Variants in CARMIL3 observed in about 807,000 individuals in gnomAD.
The protein encoded by CARMIL3 is capping protein regulator and myosin 1 linker 3, also known as capping protein, Arp2/3 and myosin-I linker protein 3.
In CARMIL3, 88 loss-of-function variants were observed where a neutral mutation model predicts 180.8. The observed-to-expected ratio is 0.49, with a 90% CI of 0.41 to 0.58. The LOEUF (loss-of-function observed/expected upper bound fraction) is 0.58, where lower values mean the gene tolerates loss of function less well. Ranked by LOEUF, CARMIL3 falls within the 20% of genes least tolerant of loss-of-function variation. The pLI is 0.00. For missense variants in CARMIL3, 1,548 were observed against 1,787.0 expected (o/e 0.87, Z 2.41); for synonymous variants, 696 against 714.5 (o/e 0.97, Z 0.41).
chr14:24,059,958 T>C lies in CARMIL3; in HGVS notation c.1869-12T>C. ...ACCTGTTCCCACCCAGCTGTGCCCC[T>C]GTGTCCCACAGCAACCACACGCTGC... On this transcript the variant is annotated splice_polypyrimidine_tract_variant and intron_variant, in intron 22 of 39. Transcript: ENST00000342740. This position sits in a 1 kb window ranked among gnomAD's most constrained non-coding sequence, Gnocchi z 6.3. The C allele has an allele frequency of 6.2e-7, 1 of 1,613,526 alleles. No individual in the cohort carries two copies. Among genetic ancestry groups the C allele is most frequent in the East Asian group, 2.2e-5 (1 of 44,880 alleles).
intron 35 of CARMIL3, 30 bp from the exon 36 acceptor site, chr14:24,066,537 T>C: frequency 6.2e-7 from 1 of 1,612,850 alleles, no homozygotes; most frequent in Non-Finnish European, 8.5e-7. Context: ...CCCTTTCTCC[T>C]CTCTTTCTCA....
intron 32 of CARMIL3, 57 bp from the exon 33 acceptor site, chr14:24,064,901 A>C (rs1485927749): frequency 1.9e-6 from 3 of 1,562,694 alleles, no homozygotes; most frequent in Non-Finnish European, 2.6e-6. Flanking sequence ...GGTTTATCAG[A>C]CCCAGGATTG....
intron 34 of CARMIL3, 66 bp from the exon 35 acceptor site, chr14:24,066,332 C>A (rs1399197618): frequency 6.4e-7 from 1 of 1,553,388 alleles, no homozygotes; most frequent in East Asian, 2.3e-5. Flanking sequence ...AGAGCAGAAG[C>A]CCTTTGTCAG....
intron 36 of CARMIL3, among the ~76,000 whole-genome samples, chr14:24,068,194 C>G (rs1032729085): frequency 1.3e-5 from 2 of 152,128 alleles, no homozygotes; most frequent in Non-Finnish European, 2.9e-5. Context: ...GTCAAGAGAT[C>G]GAGACAATCC....
At chr14:24,063,729 C>G (rs2035756530) in intron 31 of CARMIL3, among the ~76,000 whole-genome samples, 196 bp downstream of exon 31, 1 of 152,200 alleles carries the variant, frequency 6.6e-6, no homozygotes, top group Admixed American at 6.5e-5. Flanking sequence ...AAAGCTCTGT[C>G]TGCCGGGCAG....
Position 24,056,532 on chromosome 14 carries a change from G to A in CARMIL3, c.866-90G>A, listed in dbSNP as rs539924183. ...CACCTCCATCCTTGACCCAAGGCCTGTACCCTACTCGAGCCCCCAACCTGA... is the reference window on the plus strand; with the variant it reads ...CACCTCCATCCTTGACCCAAGGCCTATACCCTACTCGAGCCCCCAACCTGA... On this transcript the variant is annotated intron_variant, in intron 11 of 39. Coordinates refer to ENST00000342740, the MANE Select transcript of CARMIL3 (RefSeq NM_138360.4). 1.3e-5 allele frequency: 20 copies of A among 1,487,570 alleles called. No individual in the cohort carries two copies. The African/African-American group carries it at 1.4e-4, about 10-fold the overall frequency. 92.1% of individuals were successfully genotyped at this position (1,487,570 alleles called of 1,614,324 possible). A position where few individuals can be genotyped will look rare whatever the true frequency, so the allele number is the denominator to read the frequency against.
In CARMIL3 at chr14:24,061,545, G is replaced by A. The variant is rs1435653998; in HGVS notation, c.2353G>A (p.Ala785Thr). The change falls in exon 27 of 40, where the codon GCC becomes ACC. Residue 785 changes from alanine to threonine, a missense_variant. Transcript: ENST00000342740. The surrounding 1 kb of genome is among the most constrained non-coding windows in gnomAD (Gnocchi z 4.1). ...CCTGACACAGGAGTTATGCCCTGTG[G>A]CCATGCGGGTGGCCGAGGGACACAA... ...VSLTQELCPVAMRVAEGHNKM... is the reference protein window; with the variant it reads ...VSLTQELCPVTMRVAEGHNKM... 6.2e-7 allele frequency: 1 copy of A among 1,614,104 alleles called. No homozygotes were observed. Among genetic ancestry groups the A allele is most frequent in the Non-Finnish European group, 8.5e-7 (1 of 1,179,996 alleles).
chr14:24,054,820 C>G lies in CARMIL3; in HGVS notation c.460+12C>G. On this transcript the variant is annotated intron_variant, in intron 6 of 39. Transcript: ENST00000342740. This position sits in a 1 kb window ranked among gnomAD's most constrained non-coding sequence, Gnocchi z 5.1. ...CCACAGTGTCTGCGGTGAGCAGGGGCAGATGTGAGGAAAGTAGGCGCTCCA... is the reference window on the plus strand; with the variant it reads ...CCACAGTGTCTGCGGTGAGCAGGGGGAGATGTGAGGAAAGTAGGCGCTCCA... 6.2e-7 allele frequency: 1 copy of G among 1,609,528 alleles called. No individual in the cohort carries two copies. The highest frequency in any genetic ancestry group is 1.3e-5 in the African/African-American group (1 of 74,938).
Position 24,054,410 on chromosome 14 carries a change from G to C in CARMIL3, c.261G>C (p.Thr87=). The C allele has an allele frequency of 6.2e-7, 1 of 1,614,156 alleles. No homozygotes were observed. The highest frequency in any genetic ancestry group is 8.5e-7 in the Non-Finnish European group (1 of 1,180,026). The part of the protein sequence containing the change: ...TLSQNQILVE[T]ERGMVSMRLP... ...GTCTCCCCCAGATCCTGGTGGAGACGGAGCGTGGCATGGTGAGCATGCGAC... is the reference window on the plus strand; with the variant it reads ...GTCTCCCCCAGATCCTGGTGGAGACCGAGCGTGGCATGGTGAGCATGCGAC... Residue 87 remains threonine, a synonymous_variant, in exon 5 of 40, where the codon ACG becomes ACC. Transcript: ENST00000342740. This position sits in a 1 kb window ranked among gnomAD's most constrained non-coding sequence, Gnocchi z 5.1.
Position 24,059,799 on chromosome 14 carries a change from C to A in CARMIL3, c.1868+67C>A. 1 of 1,569,126 alleles carries A rather than the reference C, an allele frequency of 6.4e-7. No individual in the cohort carries two copies. ...TCCCTGTGCCTGGATCAGGCCTGAA[C>A]TACTCTTGCCCCACCCTAGCCCCTT... On this transcript the variant is annotated intron_variant, in intron 22 of 39. Coordinates refer to ENST00000342740, the MANE Select transcript of CARMIL3 (RefSeq NM_138360.4). This position sits in a 1 kb window ranked among gnomAD's most constrained non-coding sequence, Gnocchi z 6.3.
At chr14:24,063,266 C>G in intron 30 of CARMIL3, 59 bp from the exon 31 acceptor site, 1 of 1,591,672 alleles carries the variant, frequency 6.3e-7, no homozygotes, top group South Asian at 1.1e-5. Context: ...TTCTCTGTCT[C>G]CCCATCCTGC....
chr14:24,052,650 G>C (rs552589320), intron 1 of CARMIL3, among the ~76,000 whole-genome samples: 1 of 152,234 alleles, frequency 6.6e-6, no homozygotes, highest in Admixed American at 6.5e-5. Flanking sequence ...TGGCCCTGAA[G>C]AGCCCCTTAG....
Position 24,059,804 on chromosome 14 carries a change from C to T in CARMIL3, c.1868+72C>T, listed in dbSNP as rs2035713684. ...GTGCCTGGATCAGGCCTGAACTACT[C>T]TTGCCCCACCCTAGCCCCTTTGACC... On this transcript the variant is annotated intron_variant, in intron 22 of 39. Coordinates refer to ENST00000342740, the MANE Select transcript of CARMIL3 (RefSeq NM_138360.4). The surrounding 1 kb of genome is among the most constrained non-coding windows in gnomAD (Gnocchi z 6.3). 1 of 1,564,994 alleles carries T rather than the reference C, an allele frequency of 6.4e-7. No homozygotes were observed. Among genetic ancestry groups the T allele is most frequent in the Non-Finnish European group, 8.8e-7 (1 of 1,137,038 alleles).
chr14:24,067,415 G>A (rs1458113199), intron 36 of CARMIL3, among the ~76,000 whole-genome samples: 1 of 152,238 alleles, frequency 6.6e-6, no homozygotes, highest in Non-Finnish European at 1.5e-5. Context: ...TCTGTAGATG[G>A]AGACACCCCC....
chr14:24,059,935 C>T lies in CARMIL3; in HGVS notation c.1869-35C>T, dbSNP rs2035714605. 2 of 1,611,372 alleles carry T rather than the reference C, an allele frequency of 1.2e-6. No individual in the cohort carries two copies. Among genetic ancestry groups the T allele is most frequent in the Non-Finnish European group, 1.7e-6 (2 of 1,177,964 alleles). On this transcript the variant is annotated intron_variant, in intron 22 of 39. Transcript: ENST00000342740. The surrounding 1 kb of genome is among the most constrained non-coding windows in gnomAD (Gnocchi z 6.3). ...GGAGGCAGGGGCCTCCCATCCTCAC[C>T]TGTTCCCACCCAGCTGTGCCCCTGT...
In CARMIL3 at chr14:24,064,277, G is replaced by T; in HGVS notation, c.3011G>T (p.Gly1004Val). 1 of 1,612,932 alleles carries T rather than the reference G, an allele frequency of 6.2e-7. No individual in the cohort carries two copies. Among genetic ancestry groups the T allele is most frequent in the South Asian group, 1.1e-5 (1 of 90,766 alleles). Residue 1004 changes from glycine (G) to valine (V), a missense_variant, in exon 32 of 40, where the codon GGG becomes GTG. Coordinates refer to ENST00000342740, the MANE Select transcript of CARMIL3 (RefSeq NM_138360.4). The part of the protein sequence containing the change: ...MPAPGTRQEN[G>V]MATRLDEGLE... ...GCACCTGGGACTCGTCAGGAGAATG[G>T]GATGGCCACCCGCCTGGATGAAGGG...
In CARMIL3 at chr14:24,066,622, C is replaced by A; in HGVS notation, c.3648C>A (p.Ser1216Arg). ...PPPQSTKPSF[S>R]AMRRAEATWH... ...CCCAAAGCACCAAACCAAGCTTCAG[C>A]GCCATGCGCAGAGCAGAGGCCACAT... Residue 1216 changes from serine to arginine, a missense_variant, in exon 36 of 40, where the codon AGC becomes AGA. Physicochemically the swap from Ser to Arg is moderately radical, Grantham distance 110. Transcript: ENST00000342740. 6.2e-7 allele frequency: 1 copy of A among 1,614,222 alleles called. No homozygotes were observed. Among genetic ancestry groups the A allele is most frequent in the Non-Finnish European group, 8.5e-7 (1 of 1,180,030 alleles).
chr14:24,052,282 G>A lies in CARMIL3; in HGVS notation c.40+89G>A, dbSNP rs1594545023. On this transcript the variant is annotated intron_variant, in intron 1 of 39. Coordinates refer to ENST00000342740, the MANE Select transcript of CARMIL3 (RefSeq NM_138360.4). Reference sequence around the variant, plus strand: ...TCCCCGTGGTGCATCCCAGCCCGGTGTCTCACACCCCTCACCCCATGCATC... The same window carrying A: ...TCCCCGTGGTGCATCCCAGCCCGGTATCTCACACCCCTCACCCCATGCATC... 7.9e-5 allele frequency: 105 copies of A among 1,336,324 alleles called. No individual in the cohort carries two copies. The East Asian group carries it at 3.1e-3, about 39-fold the overall frequency. The allele number at this position is 1,336,324 out of a possible 1,614,324, so 82.8% of individuals were successfully genotyped here. A position where few individuals can be genotyped will look rare whatever the true frequency, so the allele number is the denominator to read the frequency against.
chr14:24,068,074 G>A (rs2035807342), intron 36 of CARMIL3, among the ~76,000 whole-genome samples: 1 of 152,256 alleles, frequency 6.6e-6, no homozygotes, highest in Admixed American at 6.5e-5. Flanking sequence ...ATGATCCTGG[G>A]AAACAAGGGC....
Sources: gnomAD v4.1 joint callset for allele counts (sites outside exome capture counted in the v4.1 genomes callset) on GRCh38, gnomAD v4.1.1 for gene constraint, Gnocchi (gnomAD v3.1) non-coding constraint, MANE v1.5 for transcripts, NCBI Gene and HGNC (gene_info 2026-07-23, HGNC 2026-07-21) for gene names.